The following CTNNA2 variants were observed in gnomAD, a reference collection of about 807,000 sequenced individuals.
The protein encoded by CTNNA2 is catenin alpha-2.
In CTNNA2, 42 loss-of-function variants were observed where a neutral mutation model predicts 101.0. The observed-to-expected ratio is 0.42, with a 90% confidence interval of 0.32 to 0.54. CTNNA2 has a LOEUF of 0.54. Ranked by LOEUF, CTNNA2 falls within the 20% of genes least tolerant of loss-of-function variation. The pLI is 0.14. For synonymous variants in CTNNA2, 450 were observed against 456.4 expected, an observed-to-expected ratio of 0.99 and a Z score of 0.18; for missense variants, 871 against 1,223.1, an observed-to-expected ratio of 0.71 and a Z score of 4.29.
At chr2:80,011,641 T>C (rs144365852) in intron 7 of CTNNA2, among the ~76,000 whole-genome samples, 4 of 152,356 alleles carry the variant, frequency 2.6e-5, no homozygotes, top group African/African-American at 9.6e-5. Flanking sequence ...TGTTTTGTTT[T>C]TTCTTGTTGT....
intron 9 of CTNNA2, among the ~76,000 whole-genome samples, chr2:80,462,631 C>CTTTTTTTTTTTTTTTTTTTT (rs753815778): frequency 9.6e-4 from 91 of 94,760 alleles, no homozygotes; most frequent in East Asian, 2.6e-3. Flanking sequence ...TTCTTTCTTT[C>CTTTTTTTTTTTTTTTTTTTT]TTTTTTTTTT....
chr2:80,157,054 C>T (rs1161335815), intron 7 of CTNNA2, among the ~76,000 whole-genome samples: 1 of 152,176 alleles, frequency 6.6e-6, no homozygotes, highest in Non-Finnish European at 1.5e-5. Flanking sequence ...GACAGATCAG[C>T]TAGTTCACTG....
chr2:80,043,652 C>T (rs1696328576), intron 7 of CTNNA2, among the ~76,000 whole-genome samples: 1 of 152,186 alleles, frequency 6.6e-6, no homozygotes, highest in African/African-American at 2.4e-5. Context: ...GATGGACTCC[C>T]CATCTTATTG....
chr2:80,640,643 T>C (rs1035784249), intron 18 of CTNNA2, among the ~76,000 whole-genome samples: 1 of 152,210 alleles, frequency 6.6e-6, no homozygotes, highest in African/African-American at 2.4e-5. Flanking sequence ...TCTAAGGACA[T>C]CAAATAGGTC....
intron 1 of CTNNA2, among the ~76,000 whole-genome samples, chr2:79,522,551 C>CCA (rs1672175441): frequency 6.6e-6 from 1 of 152,160 alleles, no homozygotes; most frequent in Non-Finnish European, 1.5e-5. Flanking sequence ...AGCAACTTTG[C>CCA]TTCAGCAATG....
intron 4 of CTNNA2, among the ~76,000 whole-genome samples, chr2:79,473,679 G>A (rs1297363564): frequency 6.6e-6 from 1 of 151,964 alleles, no homozygotes; most frequent in Admixed American, 6.6e-5. Flanking sequence ...TGGAGAAAAA[G>A]AAAAAGTCTT....
chr2:80,052,218 T>C (rs926830704), intron 7 of CTNNA2, among the ~76,000 whole-genome samples: 1 of 152,206 alleles, frequency 6.6e-6, no homozygotes, highest in East Asian at 1.9e-4. Context: ...ACTCATTACC[T>C]TGTGTATGAA....
chr2:79,206,709 T>C (rs1373919589), intron 2 of CTNNA2, among the ~76,000 whole-genome samples: 1 of 152,198 alleles, frequency 6.6e-6, no homozygotes, highest in Non-Finnish European at 1.5e-5. Flanking sequence ...TCAGTGTTTG[T>C]TGGAAGCAGC....
chr2:80,589,191 T>G (rs1010640193), intron 14 of CTNNA2, 113 bp from the exon 15 acceptor site: 39 of 1,022,938 alleles, frequency 3.8e-5, no homozygotes, highest in East Asian at 5.2e-5. Flanking sequence ...AATGGCAGGG[T>G]AGCTCATAAG....
chr2:79,647,209 G>A (rs1008569977), intron 1 of CTNNA2, among the ~76,000 whole-genome samples: 1 of 152,144 alleles, frequency 6.6e-6, no homozygotes, highest in Non-Finnish European at 1.5e-5. Context: ...GTGTCAATTT[G>A]GTTGTTCCAC....
intron 1 of CTNNA2, among the ~76,000 whole-genome samples, chr2:79,589,261 G>T (rs544629975): frequency 3.3e-4 from 50 of 152,280 alleles, no homozygotes; most frequent in African/African-American, 1.2e-3. Context: ...CTGTGCCACT[G>T]CTTGGAGAGA....
rs1175338103 is a variant in CTNNA2, at chr2:79,274,968, G to T, written c.-405-37741G>T. 2.0e-5 allele frequency among the ~76,000 whole-genome samples: 3 copies of T among 152,014 alleles called. No homozygotes were observed. In the East Asian group the frequency reaches 5.8e-4, roughly 29 times the overall value. On this transcript the variant is annotated intron_variant, in intron 2 of 21. Transcript: ENST00000466387. ...AATATGGTTGAGAAATTGCTCATGG[G>T]ATGGTTTCTTTGGACAAAGCTATGC...
chr2:79,362,650 A>G (rs891863207), intron 3 of CTNNA2, among the ~76,000 whole-genome samples: 5 of 152,192 alleles, frequency 3.3e-5, no homozygotes, highest in African/African-American at 1.2e-4. Flanking sequence ...ATGACCACGC[A>G]ATGTAAACAG....
chr2:79,520,167 TTTG>T (rs974252921), intron 1 of CTNNA2, among the ~76,000 whole-genome samples: 1 of 152,232 alleles, frequency 6.6e-6, no homozygotes, highest in African/African-American at 2.4e-5. Flanking sequence ...AAGTGAATAC[TTTG>T]TTGTGGATTG....
chr2:80,434,929 G>T (rs1365624338), intron 9 of CTNNA2, among the ~76,000 whole-genome samples: 2 of 152,022 alleles, frequency 1.3e-5, no homozygotes, highest in Non-Finnish European at 1.5e-5. Context: ...TTTTCCTTGG[G>T]TAGAGATTAT....
At chr2:80,350,398 G>A (rs146420791) in intron 7 of CTNNA2, among the ~76,000 whole-genome samples, 294 of 152,214 alleles carry the variant, frequency 1.9e-3, no homozygotes, top group African/African-American at 6.7e-3. Context: ...ATAGATGCCC[G>A]CTAATCATTT....
chr2:80,232,345 G>GTTTTTTTTT (rs61454985), intron 7 of CTNNA2, among the ~76,000 whole-genome samples: 44 of 64,786 alleles, frequency 6.8e-4, no homozygotes, highest in Admixed American at 8.6e-4. Context: ...TTGTTTGTTT[G>GTTTTTTTTT]TTTTTTTTTT....
At chr2:79,962,797 C>T (rs560424952) in intron 7 of CTNNA2, among the ~76,000 whole-genome samples, 88 of 152,152 alleles carry the variant, frequency 5.8e-4, no homozygotes, top group Non-Finnish European at 2.8e-4. Flanking sequence ...ATTGGCCGGG[C>T]GCGGTGGCTC....
At chr2:80,333,395 A>G (rs143706837) in intron 7 of CTNNA2, among the ~76,000 whole-genome samples, 54 of 152,280 alleles carry the variant, frequency 3.5e-4, no homozygotes, top group African/African-American at 1.1e-3. Context: ...TGTCTGCTCT[A>G]GAGTACTTAT....
Sources: gnomAD v4.1 joint callset for allele counts (sites outside exome capture counted in the v4.1 genomes callset) on GRCh38, gnomAD v4.1.1 for gene constraint, MANE v1.5 for transcripts, NCBI Gene and HGNC (gene_info 2026-07-23, HGNC 2026-07-21) for gene names.